Variants in LGR4 observed in about 807,000 individuals in gnomAD.
LGR4 encodes the protein leucine rich repeat containing G protein-coupled receptor 4, also known as leucine-rich repeat-containing G protein-coupled receptor 4.
In LGR4, 44 loss-of-function variants were observed where a neutral mutation model predicts 84.8. The ratio of observed to expected loss-of-function variants is 0.52; its 90% CI spans 0.41 to 0.67. The LOEUF is 0.67. LGR4 is among the 30% of genes least tolerant of loss of function. LGR4 has a pLI of 0.00. For synonymous variants in LGR4, 429 were observed against 434.3 expected, an observed-to-expected ratio of 0.99 and a Z score of 0.15; for missense variants, 1,032 against 1,131.4, an observed-to-expected ratio of 0.91 and a Z score of 1.26.
At chr11:27,444,098 A>G (rs1422612422) in intron 1 of LGR4, among the ~76,000 whole-genome samples, 5 of 151,948 alleles carry the variant, frequency 3.3e-5, no homozygotes, top group African/African-American at 1.2e-4. Flanking sequence ...TTTAAAGAAA[A>G]AAAAAATAGC....
At chr11:27,437,744 A>C (rs1864236189) in intron 1 of LGR4, among the ~76,000 whole-genome samples, 1 of 151,320 alleles carries the variant, frequency 6.6e-6, no homozygotes, top group Non-Finnish European at 1.5e-5. Flanking sequence ...GCTCAAGCTT[A>C]TAATTCCAGC....
chr11:27,374,683 C>G (rs2133363797), intron 13 of LGR4, among the ~76,000 whole-genome samples: 1 of 152,290 alleles, frequency 6.6e-6, no homozygotes, highest in South Asian at 2.1e-4. Context: ...TAAATTCATT[C>G]TGAGACATAT....
intron 4 of LGR4, among the ~76,000 whole-genome samples, chr11:27,388,889 CAT>C (rs1314116043): frequency 1.3e-5 from 2 of 151,994 alleles, no homozygotes; most frequent in Non-Finnish European, 2.9e-5. Context: ...ATAATTATGA[CAT>C]GTCATTTTAA....
intron 1 of LGR4, among the ~76,000 whole-genome samples, chr11:27,428,552 TAAAA>T (rs1864064167): frequency 6.6e-6 from 1 of 152,158 alleles, no homozygotes; most frequent in African/African-American, 2.4e-5. Flanking sequence ...CTTGGAAGTA[TAAAA>T]AAGTGATTGC....
At chr11:27,379,574 T>C (rs139729705) in intron 10 of LGR4, among the ~76,000 whole-genome samples, 32 of 152,316 alleles carry the variant, frequency 2.1e-4, no homozygotes, top group African/African-American at 4.8e-4. Context: ...CATGTGACCA[T>C]TGTAACATTT....
chr11:27,369,131 G>T lies in LGR4; in HGVS notation c.1592C>A (p.Pro531His), dbSNP rs747539328. ...HCTPSTGAFK[P>H]CEYLLGSWMI... ...CCAGCTTCCCAGTAAATATTCACAG[G>T]GCTTAAAAGCACCTAAAAAAAACAC... Residue 531 changes from proline (P) to histidine (H), a missense_variant, in exon 18 of 18, where the codon CCC (proline) becomes CAC (histidine). Transcript: ENST00000379214. 6.3e-7 allele frequency: 1 copy of T among 1,591,332 alleles called. No homozygotes were observed. The highest frequency in any genetic ancestry group is 8.5e-7 in the Non-Finnish European group (1 of 1,171,056).
intron 2 of LGR4, among the ~76,000 whole-genome samples, chr11:27,394,315 C>T (rs1453436290): frequency 2.6e-5 from 4 of 152,150 alleles, no homozygotes; most frequent in African/African-American, 9.7e-5. Context: ...TCTTCAGTTG[C>T]TTCCATTTTA....
intron 1 of LGR4, among the ~76,000 whole-genome samples, chr11:27,429,637 G>A (rs1450129077): frequency 6.6e-6 from 1 of 152,096 alleles, no homozygotes; most frequent in Non-Finnish European, 1.5e-5. Context: ...CACAGGATTT[G>A]GTAATTAGAT....
At chr11:27,372,647 A>G (rs1436972492) in intron 15 of LGR4, among the ~76,000 whole-genome samples, 3 of 152,166 alleles carry the variant, frequency 2.0e-5, no homozygotes, top group African/African-American at 7.2e-5. Context: ...TGTAAATCAA[A>G]CTGTTTAAAA....
intron 6 of LGR4, 57 bp from the exon 7 acceptor site, chr11:27,382,313 A>T (rs1863111448): frequency 2.6e-6 from 3 of 1,151,542 alleles, no homozygotes; most frequent in East Asian, 4.7e-5. Context: ...ATAATTCATA[A>T]GGCATTTTGT....
At chr11:27,376,065 C>A (rs1862972897) in intron 13 of LGR4, among the ~76,000 whole-genome samples, 1 of 151,828 alleles carries the variant, frequency 6.6e-6, no homozygotes, top group South Asian at 2.1e-4. Flanking sequence ...CAATCTCCAC[C>A]TCCAGGGTTC....
intron 1 of LGR4, among the ~76,000 whole-genome samples, chr11:27,459,202 TATATC>T (rs1370437527): frequency 3.3e-5 from 5 of 152,212 alleles, no homozygotes; most frequent in African/African-American, 1.2e-4. Flanking sequence ...AATATGTGGC[TATATC>T]TGAGATAAAA....
chr11:27,373,959 A>G lies in LGR4; in HGVS notation c.1253+16T>C. On this transcript the variant is annotated intron_variant, in intron 14 of 17. Coordinates refer to ENST00000379214, the MANE Select transcript of LGR4 (RefSeq NM_018490.5). ...GTTACTACTTTCATGACATTACTGC[A>G]TAATCATCCACTTACAGGTTAGTTA... The G allele has an allele frequency of 6.4e-7, 1 of 1,553,114 alleles. No homozygotes were observed. The highest frequency in any genetic ancestry group is 1.1e-5 in the South Asian group (1 of 89,818).
intron 1 of LGR4, among the ~76,000 whole-genome samples, chr11:27,425,843 CTT>C (rs1216745129): frequency 6.6e-6 from 1 of 152,156 alleles, no homozygotes; most frequent in Admixed American, 6.5e-5. Flanking sequence ...ATATGAAAAA[CTT>C]AAACTTATGG....
chr11:27,379,577 T>A (rs1199481154), intron 10 of LGR4, among the ~76,000 whole-genome samples: 1 of 152,214 alleles, frequency 6.6e-6, no homozygotes, highest in East Asian at 1.9e-4. Context: ...GTGACCATTG[T>A]AACATTTAAA....
At chr11:27,421,210 C>A (rs1002942870) in intron 1 of LGR4, among the ~76,000 whole-genome samples, 2 of 152,172 alleles carry the variant, frequency 1.3e-5, no homozygotes, top group Admixed American at 1.3e-4. Context: ...CAACTAACCT[C>A]TAAGGCCCTT....
At chr11:27,392,719 T>C (rs1029041773) in intron 2 of LGR4, among the ~76,000 whole-genome samples, 2 of 152,166 alleles carry the variant, frequency 1.3e-5, no homozygotes, top group African/African-American at 4.8e-5. Flanking sequence ...GAATTTTTTT[T>C]TAAGTCCCAA....
chr11:27,383,213 A>C (rs1402981809), intron 6 of LGR4, among the ~76,000 whole-genome samples: 1 of 152,148 alleles, frequency 6.6e-6, no homozygotes, highest in Non-Finnish European at 1.5e-5. Context: ...TAAAGAGCAC[A>C]CTGGCATACG....
In LGR4 at chr11:27,464,030, C is replaced by T. The variant is rs184282301; in HGVS notation, c.185+8088G>A. On this transcript the variant is annotated intron_variant, in intron 1 of 17. Transcript: ENST00000379214. The stretch of plus-strand genomic sequence containing the variant: ...CTGAAGAGCACATGAACAGTTTCCA[C>T]GAACTGAAATCTGAAGGTCCACAGT... 2.0e-3 allele frequency among the ~76,000 whole-genome samples: 298 copies of T among 152,294 alleles called. 1 individual carries two copies. The highest frequency in any genetic ancestry group is 3.4e-3 in the Non-Finnish European group (232 of 68,012).
Sources: gnomAD v4.1 joint callset for allele counts (sites outside exome capture counted in the v4.1 genomes callset) on GRCh38, gnomAD v4.1.1 for gene constraint, MANE v1.5 for transcripts, NCBI Gene and HGNC (gene_info 2026-07-23, HGNC 2026-07-21) for gene names.